Variants in RHEB observed in about 807,000 individuals in gnomAD.
The protein encoded by RHEB is GTP-binding protein Rheb.
A neutral mutation model predicts 28.8 loss-of-function variants in RHEB; 2 were observed. The observed-to-expected ratio is 0.07, with a 90% CI of 0.03 to 0.22. RHEB has a LOEUF of 0.22. RHEB is among the 10% of genes least tolerant of loss of function. The probability of loss-of-function intolerance (pLI) is 1.00; values close to 1 mark genes in which losing one functional copy is unlikely to be tolerated. For missense variants in RHEB, 76 were observed against 219.9 expected, an observed-to-expected ratio of 0.35 and a Z score of 4.14; for synonymous variants, 69 against 77.3, an observed-to-expected ratio of 0.89 and a Z score of 0.56.
rs367551449 is a variant in RHEB at position 151,473,029 on chromosome 7, T to C, written c.276-1424A>G. On this transcript the variant is annotated intron_variant, in intron 4 of 7. Coordinates refer to ENST00000262187, the MANE Select transcript of RHEB (RefSeq NM_005614.4). ...AACAGCTGAAAGAACTAGGACTGTG[T>C]GGCAGGCAGCTTGGAGCCGGCTCCC... 3.3e-5 allele frequency among the ~76,000 whole-genome samples: 5 copies of C among 152,356 alleles called. No individual in the cohort carries two copies. In the South Asian group the frequency reaches 8.3e-4, roughly 25 times the overall value.
intron 1 of RHEB, among the ~76,000 whole-genome samples, chr7:151,504,164 A>T (rs1204824630): frequency 6.6e-6 from 1 of 152,220 alleles, no homozygotes; most frequent in Non-Finnish European, 1.5e-5. Flanking sequence ...GTTTGCTGAC[A>T]CATTTGTGCC....
intron 2 of RHEB, among the ~76,000 whole-genome samples, chr7:151,489,559 C>T (rs931679393): frequency 1.9e-4 from 29 of 152,158 alleles, no homozygotes; most frequent in African/African-American, 6.0e-4. Flanking sequence ...ATATTTTAAG[C>T]GAGGGGTGAG....
intron 1 of RHEB, among the ~76,000 whole-genome samples, chr7:151,497,564 T>C (rs1405679608): frequency 1.3e-5 from 2 of 152,206 alleles, no homozygotes; most frequent in African/African-American, 2.4e-5. Flanking sequence ...GATATGGCCA[T>C]GATTAAGACA....
At chr7:151,474,232 G>A (rs754628067) in intron 4 of RHEB, among the ~76,000 whole-genome samples, 9 of 151,380 alleles carry the variant, frequency 5.9e-5, no homozygotes, top group Non-Finnish European at 8.8e-5. Flanking sequence ...AGGCTGAAGT[G>A]CAATGGCATG....
At chr7:151,501,818 C>A (rs1194110678) in intron 1 of RHEB, 2 of 415,740 alleles carry the variant, frequency 4.8e-6, no homozygotes, top group Admixed American at 6.2e-5. Context: ...CAGAAAGAGC[C>A]GGTGTCCTAC....
At chr7:151,478,905 G>T (rs1422483143) in intron 3 of RHEB, among the ~76,000 whole-genome samples, 1 of 151,972 alleles carries the variant, frequency 6.6e-6, no homozygotes, top group African/African-American at 2.4e-5. Flanking sequence ...AAAGTGCTGG[G>T]ATTACACGTG....
At chr7:151,513,087 C>T (rs548846992) in intron 1 of RHEB, among the ~76,000 whole-genome samples, 1 of 152,276 alleles carries the variant, frequency 6.6e-6, no homozygotes, top group East Asian at 1.9e-4. Flanking sequence ...TATATTAAAT[C>T]TTGACCCTTT....
At chr7:151,507,903 G>A (rs1802916660) in intron 1 of RHEB, among the ~76,000 whole-genome samples, 2 of 152,030 alleles carry the variant, frequency 1.3e-5, no homozygotes. Context: ...TTTATTAACA[G>A]GATTATTAAA....
chr7:151,494,276 G>T (rs950461370), intron 1 of RHEB, among the ~76,000 whole-genome samples: 10 of 152,232 alleles, frequency 6.6e-5, no homozygotes, highest in Non-Finnish European at 1.5e-4. Flanking sequence ...GGAACCCCTG[G>T]ATCAGACAGT....
intron 1 of RHEB, chr7:151,498,167 C>T: frequency 1.6e-6 from 2 of 1,289,694 alleles, no homozygotes; most frequent in Non-Finnish European, 2.0e-6. Context: ...TGCGTAGGTC[C>T]TGGCTTGAGG....
intron 6 of RHEB, 78 bp from the exon 7 acceptor site, chr7:151,470,730 G>T: frequency 9.8e-7 from 1 of 1,017,018 alleles, no homozygotes; most frequent in Non-Finnish European, 1.5e-6. Flanking sequence ...TTATGAAACA[G>T]GCTCCATTTT....
intron 4 of RHEB, among the ~76,000 whole-genome samples, chr7:151,474,151 C>T (rs934597014): frequency 2.8e-4 from 42 of 150,884 alleles, no homozygotes; most frequent in African/African-American, 8.8e-4. Context: ...ATCACCTTTC[C>T]GATTTTTTTT....
chr7:151,517,132 G>C (rs1166639597), intron 1 of RHEB, among the ~76,000 whole-genome samples: 1 of 152,218 alleles, frequency 6.6e-6, no homozygotes, highest in Non-Finnish European at 1.5e-5. Flanking sequence ...GGGAGGCCAA[G>C]GTGGGAGGAC....
chr7:151,480,568 T>C (rs891736423), intron 3 of RHEB, among the ~76,000 whole-genome samples: 8 of 152,174 alleles, frequency 5.3e-5, no homozygotes, highest in African/African-American at 1.9e-4. Context: ...GCACTATTTA[T>C]TTTTGTACCA....
chr7:151,485,551 G>A (rs918705940), intron 2 of RHEB, among the ~76,000 whole-genome samples: 5 of 152,034 alleles, frequency 3.3e-5, no homozygotes, highest in Admixed American at 6.6e-5. Context: ...TTGCATACCC[G>A]CCCCAGCCAT....
In RHEB at chr7:151,488,966, C is replaced by T. The variant is rs563884538; in HGVS notation, c.124+1977G>A. On this transcript the variant is annotated intron_variant, in intron 2 of 7. Transcript: ENST00000262187. ...AACTCAGTTTTTACTTTTGAGACCA[C>T]ATCTTGCTCTGCTGCCCAGGCTGGA... Among the ~76,000 whole-genome samples, 15 of 152,256 alleles carry T rather than the reference C, an allele frequency of 9.9e-5. No individual in the cohort carries two copies. The South Asian group carries it at 2.9e-3, about 29-fold the overall frequency.
chr7:151,501,319 A>C (rs1055221123), intron 1 of RHEB, among the ~76,000 whole-genome samples: 1 of 152,248 alleles, frequency 6.6e-6, no homozygotes, highest in East Asian at 1.9e-4. Flanking sequence ...AACAAAGAAA[A>C]TATTCAAATG....
intron 1 of RHEB, among the ~76,000 whole-genome samples, chr7:151,495,591 T>C (rs73154870): frequency 0.016 from 2,480 of 152,292 alleles, 47 homozygotes; most frequent in Non-Finnish European, 0.02. Flanking sequence ...AAATAGGCAC[T>C]GTTTACAGAA....
At chr7:151,517,282 C>T (rs1464463060) in intron 1 of RHEB, among the ~76,000 whole-genome samples, 1 of 150,962 alleles carries the variant, frequency 6.6e-6, no homozygotes, top group East Asian at 1.9e-4. Flanking sequence ...GCAGGAGAAT[C>T]GCTTGAGTCC....
Sources: gnomAD v4.1 joint callset for allele counts (sites outside exome capture counted in the v4.1 genomes callset) on GRCh38, gnomAD v4.1.1 for gene constraint, MANE v1.5 for transcripts, NCBI Gene and HGNC (gene_info 2026-07-23, HGNC 2026-07-21) for gene names.